OCA2: variants seen among roughly 807,000 people sequenced by gnomAD.
The protein encoded by OCA2 is OCA2 melanosomal transmembrane protein.
A neutral mutation model predicts 100.2 loss-of-function variants in OCA2; 77 were observed. That is an observed-to-expected ratio of 0.77 (90% confidence interval 0.64 to 0.93). The LOEUF is 0.93. Ranked by LOEUF, OCA2 falls within the 40% of genes least tolerant of loss-of-function variation. OCA2 has a pLI of 0.00. For synonymous variants in OCA2, 432 were observed against 439.2 expected (o/e 0.98, Z 0.21); for missense variants, 1,062 against 1,089.1 (o/e 0.98, Z 0.35).
chr15:27,927,295 C>CA (rs561771070), intron 18 of OCA2, among the ~76,000 whole-genome samples: 16 of 151,662 alleles, frequency 1.1e-4, no homozygotes, highest in Admixed American at 2.6e-4. Flanking sequence ...ATCTCAAAAA[C>CA]AAAAAAAAGA....
At chr15:27,913,311 T>A (rs2038468799) in intron 19 of OCA2, among the ~76,000 whole-genome samples, 1 of 151,982 alleles carries the variant, frequency 6.6e-6, no homozygotes, top group Admixed American at 6.6e-5. Context: ...TTTACGATAT[T>A]TATGTAAGCC....
intron 19 of OCA2, among the ~76,000 whole-genome samples, chr15:27,909,010 T>C (rs556215428): frequency 6.6e-6 from 1 of 152,320 alleles, no homozygotes; most frequent in South Asian, 2.1e-4. Flanking sequence ...ATAGGCCTGC[T>C]GTGTTTACCC....
At chr15:27,998,806 C>A (rs879935263) in intron 9 of OCA2, among the ~76,000 whole-genome samples, 35 of 146,340 alleles carry the variant, frequency 2.4e-4, no homozygotes, top group Non-Finnish European at 5.1e-4. Flanking sequence ...ACCCAAATGT[C>A]CAACAATGAT....
intron 2 of OCA2, among the ~76,000 whole-genome samples, chr15:28,051,308 T>C (rs1398426874): frequency 6.6e-6 from 1 of 152,206 alleles, no homozygotes. Context: ...TTGTTTTGTT[T>C]TTTGAGACAG....
intron 2 of OCA2, among the ~76,000 whole-genome samples, chr15:28,039,499 G>C (rs924953115): frequency 2.6e-5 from 4 of 152,108 alleles, no homozygotes; most frequent in African/African-American, 9.7e-5. Context: ...AGGAAAACTA[G>C]AAAATTCACC....
intron 19 of OCA2, chr15:27,895,834 C>T (rs74744851): frequency 5.8e-5 from 29 of 496,172 alleles, no homozygotes; most frequent in Non-Finnish European, 1.0e-4. Context: ...AAAATAAATA[C>T]AACACACCCA....
At chr15:27,948,657 G>A (rs1190367536) in intron 18 of OCA2, among the ~76,000 whole-genome samples, 1 of 152,004 alleles carries the variant, frequency 6.6e-6, no homozygotes, top group Non-Finnish European at 1.5e-5. Context: ...GTAGAGACGG[G>A]ATTTTGCCAT....
At chr15:27,895,357 C>T (rs2037643718) in intron 19 of OCA2, among the ~76,000 whole-genome samples, 1 of 152,154 alleles carries the variant, frequency 6.6e-6, no homozygotes, top group Non-Finnish European at 1.5e-5. Flanking sequence ...AACCGGGTGA[C>T]AGGCAGAGGT....
chr15:27,744,912 C>G, the OCA2 span, among the ~76,000 whole-genome samples: 15 of 148,722 alleles, frequency 1.0e-4, no homozygotes, highest in Non-Finnish European at 3.0e-5. Context: ...GCACAATTGA[C>G]CAGAGATTCT....
intron 9 of OCA2, among the ~76,000 whole-genome samples, chr15:27,995,317 T>A (rs1389398514): frequency 6.6e-6 from 1 of 152,224 alleles, no homozygotes; most frequent in Non-Finnish European, 1.5e-5. Flanking sequence ...CATTCTTCTC[T>A]AGCACACACA....
At chr15:27,955,726 C>T (rs979153712) in intron 16 of OCA2, among the ~76,000 whole-genome samples, 3 of 152,004 alleles carry the variant, frequency 2.0e-5, no homozygotes, top group Non-Finnish European at 4.4e-5. Flanking sequence ...TTTGGGGGGC[C>T]GAGGGGGAAG....
intron 14 of OCA2, among the ~76,000 whole-genome samples, chr15:27,976,136 T>G (rs2040958147): frequency 6.6e-6 from 1 of 152,190 alleles, no homozygotes; most frequent in South Asian, 2.1e-4. Context: ...CTTGTCAAAT[T>G]TATTTATTTG....
At chr15:27,789,757 A>G (rs188092905) in intron 23 of OCA2, among the ~76,000 whole-genome samples, 1 of 152,354 alleles carries the variant, frequency 6.6e-6, no homozygotes, top group Non-Finnish European at 1.5e-5. Flanking sequence ...TTTTCAACAA[A>G]TGGTACTATA....
chr15:27,890,306 A>G (rs1215524658), intron 19 of OCA2, among the ~76,000 whole-genome samples: 1 of 152,204 alleles, frequency 6.6e-6, no homozygotes, highest in Non-Finnish European at 1.5e-5. Flanking sequence ...TAAAGGCTGA[A>G]ATTTTCCCAA....
intron 19 of OCA2, among the ~76,000 whole-genome samples, chr15:27,890,475 G>A (rs1010364187): frequency 1.8e-4 from 28 of 152,226 alleles, no homozygotes; most frequent in South Asian, 6.2e-4. Context: ...AGTACTATGC[G>A]TTACCTACAG....
At chr15:27,730,394 C>T in the OCA2 span, among the ~76,000 whole-genome samples, 3 of 152,116 alleles carry the variant, frequency 2.0e-5, no homozygotes, top group African/African-American at 7.2e-5. Flanking sequence ...TCCCTGGCCT[C>T]GGCAGGTGTG....
chr15:27,813,513 G>C (rs75763426), intron 23 of OCA2, among the ~76,000 whole-genome samples: 9,623 of 152,282 alleles, frequency 0.063, 416 homozygotes, highest in South Asian at 0.14. Context: ...AATGTTCATA[G>C]TCTTCTAGGT....
chr15:27,984,947 C>T, intron 13 of OCA2, 117 bp downstream of exon 13: 1 of 1,249,092 alleles, frequency 8.0e-7, no homozygotes, highest in South Asian at 1.3e-5. Context: ...GCTGTGGGCT[C>T]AACCGCCCCC....
At chr15:27,882,452 C>G (rs1300658544) in intron 19 of OCA2, among the ~76,000 whole-genome samples, 1 of 152,200 alleles carries the variant, frequency 6.6e-6, no homozygotes, top group African/African-American at 2.4e-5. Flanking sequence ...ACCTTTCATT[C>G]ATTTCAAGTG....
Sources: allele counts gnomAD v4.1 joint callset (sites outside exome capture counted in the v4.1 genomes callset), GRCh38; gene constraint gnomAD v4.1.1; transcripts MANE v1.5; gene names NCBI Gene and HGNC (gene_info 2026-07-23, HGNC 2026-07-21).